The following HDAC9 variants were observed in gnomAD, a reference collection of about 807,000 sequenced individuals.
HDAC9 encodes the protein MEF-2 interacting transcription repressor (MITR) protein.
HDAC9 carries 41 observed loss-of-function variants against 139.4 expected under a neutral mutation model. The observed-to-expected ratio is 0.29, with a 90% confidence interval of 0.23 to 0.38. The LOEUF (loss-of-function observed/expected upper bound fraction) is 0.38, where lower values mean the gene tolerates loss of function less well. HDAC9 is among the 10% of genes least tolerant of loss of function. HDAC9 has a pLI of 1.00. For synonymous variants in HDAC9, 517 were observed against 476.2 expected, an observed-to-expected ratio of 1.09 and a Z score of -1.12; for missense variants, 1,147 against 1,297.0, an observed-to-expected ratio of 0.88 and a Z score of 1.78.
At chr7:18,456,778 G>A (rs539959198) in intron 1 of HDAC9, among the ~76,000 whole-genome samples, 6 of 152,028 alleles carry the variant, frequency 3.9e-5, no homozygotes, top group African/African-American at 9.7e-5. Flanking sequence ...CAAGTTCCTC[G>A]TTCACAAGAG....
rs560538250 is a variant in HDAC9 at position 18,558,390 on chromosome 7, G to C, written c.23-26891G>C. Reference sequence around the variant, plus strand: ...ATAAAAATGCTATCTCAAGGTCTTTGTTCTGCCAAGGTCATCTAAAAGCTA... The same window carrying C: ...ATAAAAATGCTATCTCAAGGTCTTTCTTCTGCCAAGGTCATCTAAAAGCTA... On this transcript the variant is annotated intron_variant, in intron 2 of 25. Transcript: ENST00000686413. Among the ~76,000 whole-genome samples, 101 of 152,256 alleles carry C rather than the reference G, an allele frequency of 6.6e-4. No individual in the cohort carries two copies. In the South Asian group the frequency reaches 0.011, roughly 17 times the overall value.
At chr7:18,917,085 G>T (rs1187977271) in intron 22 of HDAC9, among the ~76,000 whole-genome samples, 1 of 152,062 alleles carries the variant, frequency 6.6e-6, no homozygotes, top group African/African-American at 2.4e-5. Context: ...GAAGTTCTGT[G>T]AATATTTGTG....
intron 17 of HDAC9, among the ~76,000 whole-genome samples, chr7:18,820,557 G>A (rs1025543735): frequency 6.6e-6 from 1 of 152,134 alleles, no homozygotes; most frequent in African/African-American, 2.4e-5. Flanking sequence ...CCCAAAACCT[G>A]GGGTGCAAAA....
chr7:18,566,645 T>G (rs1214157109), intron 2 of HDAC9, among the ~76,000 whole-genome samples: 1 of 152,238 alleles, frequency 6.6e-6, no homozygotes, highest in East Asian at 1.9e-4. Flanking sequence ...AGACGTGGAC[T>G]AATCAAGACT....
chr7:18,157,804 T>TGAGAGAGAGAGAGAGAGAGA (rs67690215), intron 1 of HDAC9, among the ~76,000 whole-genome samples: 2 of 109,528 alleles, frequency 1.8e-5, no homozygotes, highest in Admixed American at 9.5e-5. Flanking sequence ...TTCTAAGGCA[T>TGAGAGAGAGAGAGAGAGAGA]GAGAGAGAGA....
intron 12 of HDAC9, among the ~76,000 whole-genome samples, chr7:18,672,343 A>G (rs948505016): frequency 4.6e-5 from 7 of 152,006 alleles, no homozygotes; most frequent in African/African-American, 1.7e-4. Flanking sequence ...GGCCATTTCT[A>G]TAACTTCATT....
At chr7:18,867,206 T>C (rs1798562519) in intron 21 of HDAC9, among the ~76,000 whole-genome samples, 1 of 152,122 alleles carries the variant, frequency 6.6e-6, no homozygotes, top group Non-Finnish European at 1.5e-5. Context: ...AGAATAACCA[T>C]TGGTAGGTGA....
At chr7:18,957,231 G>A (rs144557994) in intron 24 of HDAC9, among the ~76,000 whole-genome samples, 16 of 152,292 alleles carry the variant, frequency 1.1e-4, no homozygotes, top group East Asian at 5.8e-4. Flanking sequence ...TGACCACCGT[G>A]TGGTGCATTT....
chr7:18,824,044 G>GGAA (rs1554367872), intron 17 of HDAC9, among the ~76,000 whole-genome samples: 6,593 of 67,186 alleles, frequency 0.098, 433 homozygotes, highest in East Asian at 0.23. Context: ...AAGAGGAAGA[G>GGAA]GAAGAAGAAG....
At chr7:18,766,698 A>G (rs943792883) in intron 15 of HDAC9, among the ~76,000 whole-genome samples, 7 of 152,188 alleles carry the variant, frequency 4.6e-5, no homozygotes, top group African/African-American at 7.2e-5. Context: ...ATATGGTGGC[A>G]TAAACCTTGT....
At chr7:18,593,542 T>C (rs1831590104) in intron 5 of HDAC9, among the ~76,000 whole-genome samples, 1 of 152,158 alleles carries the variant, frequency 6.6e-6, no homozygotes, top group South Asian at 2.1e-4. Flanking sequence ...ATTACCTTGA[T>C]TGTTTTATAC....
At chr7:18,970,282 C>T (rs1784162405) in intron 24 of HDAC9, among the ~76,000 whole-genome samples, 1 of 152,038 alleles carries the variant, frequency 6.6e-6, no homozygotes, top group African/African-American at 2.4e-5. Flanking sequence ...AATAATTCTG[C>T]TTGTGTTATT....
At chr7:18,412,569 A>G (rs1175253942) in intron 1 of HDAC9, among the ~76,000 whole-genome samples, 2 of 152,214 alleles carry the variant, frequency 1.3e-5, no homozygotes, top group Admixed American at 6.5e-5. Context: ...CTCCTGTTAG[A>G]TGAGGATCCG....
At chr7:18,175,079 C>T (rs1325145398) in intron 2 of HDAC9, among the ~76,000 whole-genome samples, 1 of 152,210 alleles carries the variant, frequency 6.6e-6, no homozygotes, top group Non-Finnish European at 1.5e-5. Context: ...TCTACAGAGG[C>T]AGCGGGCCTT....
chr7:18,369,931 C>G (rs1784468339), intron 1 of HDAC9, among the ~76,000 whole-genome samples: 1 of 152,092 alleles, frequency 6.6e-6, no homozygotes, highest in Non-Finnish European at 1.5e-5. Context: ...GGTCAACTTT[C>G]TCATCACCTG....
chr7:18,634,450 T>A (rs112471832), intron 7 of HDAC9, among the ~76,000 whole-genome samples, 177 bp from the exon 8 acceptor site: 1,922 of 151,990 alleles, frequency 0.013, 34 homozygotes, highest in African/African-American at 0.044. Flanking sequence ...AAAGGAGGAA[T>A]AAGTGGTATG....
chr7:18,729,724 T>C (rs1442225433), intron 13 of HDAC9, among the ~76,000 whole-genome samples: 2 of 152,206 alleles, frequency 1.3e-5, no homozygotes, highest in Admixed American at 1.3e-4. Flanking sequence ...TATCAAAGCA[T>C]GTATTCCAAA....
At chr7:18,515,039 T>C (rs1252992398) in intron 2 of HDAC9, among the ~76,000 whole-genome samples, 1 of 152,226 alleles carries the variant, frequency 6.6e-6, no homozygotes, top group African/African-American at 2.4e-5. Flanking sequence ...GGAATTTTTA[T>C]TCATAACTTT....
At chr7:18,361,936 T>C (rs531632297) in intron 1 of HDAC9, among the ~76,000 whole-genome samples, 20 of 152,314 alleles carry the variant, frequency 1.3e-4, no homozygotes, top group Middle Eastern at 6.8e-3. Context: ...CCTTCTCTCC[T>C]TGCCAGCTCC....
Sources: gnomAD v4.1 joint callset for allele counts (sites outside exome capture counted in the v4.1 genomes callset) on GRCh38, gnomAD v4.1.1 for gene constraint, MANE v1.5 for transcripts, NCBI Gene and HGNC (gene_info 2026-07-23, HGNC 2026-07-21) for gene names.